The following WDFY4 variants were observed in gnomAD, a reference collection of about 807,000 sequenced individuals.
WDFY4 encodes WDFY family member 4.
WDFY4 carries 169 observed loss-of-function variants against 351.9 expected under a neutral mutation model. That is an observed-to-expected ratio of 0.48 (90% CI 0.42 to 0.55). The LOEUF is 0.55. Among genes scored for constraint, WDFY4 ranks in the 20% least tolerant of loss-of-function variants. The pLI is 0.00. For missense variants in WDFY4, 3,803 were observed against 3,935.6 expected (o/e 0.97, Z 0.90); for synonymous variants, 1,622 against 1,574.6 (o/e 1.03, Z -0.71).
At chr10:48,804,447 G>A (rs1351407823) in intron 25 of WDFY4, among the ~76,000 whole-genome samples, 2 of 151,862 alleles carry the variant, frequency 1.3e-5, no homozygotes, top group East Asian at 1.9e-4. Flanking sequence ...GGGTAGAGGA[G>A]CATCTGTCTT....
chr10:48,776,590 C>G (rs1351730570), intron 15 of WDFY4, among the ~76,000 whole-genome samples, 160 bp from the exon 16 acceptor site: 1 of 152,230 alleles, frequency 6.6e-6, no homozygotes, highest in African/African-American at 2.4e-5. Context: ...GGGGCCCGGG[C>G]TGGGGGCCAG....
chr10:48,700,226 G>A (rs1354888028), intron 1 of WDFY4, among the ~76,000 whole-genome samples: 3 of 152,178 alleles, frequency 2.0e-5, no homozygotes, highest in Non-Finnish European at 4.4e-5. Flanking sequence ...GGGCCCACAG[G>A]AAAGCCTGGA....
At chr10:48,831,973 G>A (rs1161512223) in intron 38 of WDFY4, among the ~76,000 whole-genome samples, 1 of 152,052 alleles carries the variant, frequency 6.6e-6, no homozygotes, top group Admixed American at 6.5e-5. Flanking sequence ...ACCACAATTG[G>A]GATTAAGTTT....
At position 48,777,400 on chromosome 10, in the gene WDFY4, G is replaced by A; in HGVS notation, c.3099-19G>A. 1 of 1,550,968 alleles carries A rather than the reference G, an allele frequency of 6.4e-7. No individual in the cohort carries two copies. Among genetic ancestry groups the A allele is most frequent in the Non-Finnish European group, 8.7e-7 (1 of 1,146,400 alleles). On this transcript the variant is annotated intron_variant, in intron 16 of 61. Transcript: ENST00000325239. Reference sequence around the variant, plus strand: ...ATTGGCTTGCAGTCCAATGATCTGAGACAATTTTCTATTTCCAGCTGTTTG... The same window carrying A: ...ATTGGCTTGCAGTCCAATGATCTGAAACAATTTTCTATTTCCAGCTGTTTG...
rs1330552933 is a variant in WDFY4 at position 48,975,054 on chromosome 10, T to C, written c.9108+13T>C. ...CAGTGACGTCTCAGTAAGTCTCCTG[T>C]TTCTCAGTGTCCGTGTCCTCACCTT... On this transcript the variant is annotated intron_variant, in intron 58 of 61. Coordinates refer to ENST00000325239, the MANE Select transcript of WDFY4 (RefSeq NM_001394531.1). The C allele has an allele frequency of 2.6e-6, 4 of 1,551,748 alleles. No individual in the cohort carries two copies. The highest frequency in any genetic ancestry group is 3.5e-6 in the Non-Finnish European group (4 of 1,147,006).
intron 47 of WDFY4, among the ~76,000 whole-genome samples, chr10:48,902,891 C>T (rs1385735536): frequency 2.6e-5 from 4 of 152,042 alleles, no homozygotes; most frequent in South Asian, 4.1e-4. Flanking sequence ...GGGCAGACCA[C>T]CTGAGGTCAG....
intron 30 of WDFY4, among the ~76,000 whole-genome samples, chr10:48,812,144 C>G (rs2067468878): frequency 6.6e-6 from 1 of 151,844 alleles, no homozygotes. Context: ...CCTTGGGTGA[C>G]CTCATCCCAT....
At chr10:48,869,303 T>A (rs2069670777) in intron 40 of WDFY4, among the ~76,000 whole-genome samples, 8 of 152,114 alleles carry the variant, frequency 5.3e-5, no homozygotes, top group Admixed American at 5.2e-4. Context: ...GTGCACCAAA[T>A]GAGGCCCTCC....
chr10:48,913,352 C>A, intron 47 of WDFY4: 1 of 1,582,204 alleles, frequency 6.3e-7, no homozygotes, highest in Non-Finnish European at 8.6e-7. Context: ...TTCCCTCCCT[C>A]TCTCTTTCCC....
intron 35 of WDFY4, among the ~76,000 whole-genome samples, chr10:48,824,725 G>A (rs1267777854): frequency 3.3e-5 from 5 of 152,056 alleles, no homozygotes; most frequent in Middle Eastern, 3.2e-3. Flanking sequence ...CCTCAGCCTC[G>A]AAATCCTGGG....
chr10:48,721,197 C>T, intron 3 of WDFY4, 64 bp from the exon 4 acceptor site: 1 of 1,485,568 alleles, frequency 6.7e-7, no homozygotes, highest in Non-Finnish European at 9.2e-7. Context: ...AGAGGGGGCC[C>T]TGGATGGAGG....
At chr10:48,718,279 G>A (rs1002164385) in intron 2 of WDFY4, among the ~76,000 whole-genome samples, 2 of 152,092 alleles carry the variant, frequency 1.3e-5, no homozygotes, top group African/African-American at 2.4e-5. Flanking sequence ...GGCACGCATT[G>A]TGAATATTTT....
chr10:48,729,976 G>C (rs1002684143), intron 8 of WDFY4, among the ~76,000 whole-genome samples: 3 of 152,176 alleles, frequency 2.0e-5, no homozygotes, highest in Non-Finnish European at 4.4e-5. Flanking sequence ...TTTCTGTGTG[G>C]CAGGCACTCT....
At chr10:48,772,548 T>C (rs2065900797) in intron 13 of WDFY4, among the ~76,000 whole-genome samples, 1 of 134,128 alleles carries the variant, frequency 7.5e-6, no homozygotes, top group South Asian at 2.6e-4. Context: ...ATTTTCTTTT[T>C]TTTTTTTTTT....
At position 48,862,582 on chromosome 10, in the gene WDFY4, A is replaced by G. The variant is rs537068760; in HGVS notation, c.6664-4683A>G. On this transcript the variant is annotated intron_variant, in intron 39 of 61. Transcript: ENST00000325239. ...AAGAAACAGCTCAAGGTTGTTCTAT[A>G]TTATTGTGAGTTGTATAATTATTTC... 2.0e-5 allele frequency among the ~76,000 whole-genome samples: 3 copies of G among 152,346 alleles called. No individual in the cohort carries two copies. In the South Asian group the frequency reaches 6.2e-4, roughly 32 times the overall value.
intron 40 of WDFY4, among the ~76,000 whole-genome samples, chr10:48,870,569 A>G (rs966949141): frequency 1.3e-5 from 2 of 151,860 alleles, no homozygotes; most frequent in African/African-American, 4.8e-5. Flanking sequence ...AAAAAAAAAA[A>G]AAAGAAAGAA....
chr10:48,757,030 G>T (rs1220741723), intron 12 of WDFY4, among the ~76,000 whole-genome samples: 1 of 152,000 alleles, frequency 6.6e-6, no homozygotes, highest in Non-Finnish European at 1.5e-5. Context: ...TTAAATGTAT[G>T]GTAGAATTTG....
intron 47 of WDFY4, among the ~76,000 whole-genome samples, chr10:48,938,961 A>G (rs1475489316): frequency 6.6e-6 from 1 of 152,142 alleles, no homozygotes; most frequent in Non-Finnish European, 1.5e-5. Flanking sequence ...AACCGCCACA[A>G]TCCTCACTGG....
intron 43 of WDFY4, among the ~76,000 whole-genome samples, chr10:48,877,680 TA>T (rs545837062): frequency 2.1e-4 from 32 of 152,310 alleles, no homozygotes; most frequent in East Asian, 1.7e-3. Flanking sequence ...CACTCAAGCC[TA>T]GGGGTAAGCA....
Sources: allele counts gnomAD v4.1 joint callset (sites outside exome capture counted in the v4.1 genomes callset), GRCh38; gene constraint gnomAD v4.1.1; transcripts MANE v1.5; gene names NCBI Gene and HGNC (gene_info 2026-07-23, HGNC 2026-07-21).